GALNT13: variants seen among roughly 807,000 people sequenced by gnomAD.
The protein encoded by GALNT13 is UDP-GalNAc:polypeptide N-acetylgalactosaminyltransferase 13.
In GALNT13, 28 loss-of-function variants were observed where a neutral mutation model predicts 64.2. The ratio of observed to expected loss-of-function variants is 0.44; its 90% CI spans 0.32 to 0.60. GALNT13 has a LOEUF of 0.60. Ranked by LOEUF, GALNT13 falls within the 20% of genes least tolerant of loss-of-function variation. The pLI is 0.05. For missense variants in GALNT13, 577 were observed against 669.8 expected (o/e 0.86, Z 1.53); for synonymous variants, 214 against 224.6 (o/e 0.95, Z 0.42).
intron 3 of GALNT13, among the ~76,000 whole-genome samples, chr2:154,028,238 A>G (rs909973648): frequency 3.9e-5 from 6 of 152,176 alleles, no homozygotes; most frequent in African/African-American, 9.6e-5. Flanking sequence ...GCATAAGCTC[A>G]TAGTACATTA....
chr2:154,351,088 C>T (rs1273860929), intron 9 of GALNT13, among the ~76,000 whole-genome samples: 1 of 152,048 alleles, frequency 6.6e-6, no homozygotes, highest in Non-Finnish European at 1.5e-5. Context: ...TGAAGGTTCA[C>T]GTGTGCCATG....
intron 3 of GALNT13, among the ~76,000 whole-genome samples, chr2:154,024,337 C>A: frequency 6.6e-6 from 1 of 152,176 alleles, no homozygotes; most frequent in Non-Finnish European, 1.5e-5. Flanking sequence ...GTACACCAAT[C>A]AGACATAGAT....
chr2:153,924,221 C>T (rs1401378868), intron 2 of GALNT13, among the ~76,000 whole-genome samples: 1 of 150,886 alleles, frequency 6.6e-6, no homozygotes, highest in Non-Finnish European at 1.5e-5. Flanking sequence ...CCACCCCCAC[C>T]CTCAGATAGT....
the GALNT13 span, among the ~76,000 whole-genome samples, chr2:153,359,277 C>T: frequency 6.6e-6 from 1 of 152,034 alleles, no homozygotes; most frequent in African/African-American, 2.4e-5. Context: ...TGCTCTCCAG[C>T]GTTATTTTAT....
In GALNT13 at chr2:154,207,252, G is replaced by C. The variant is rs115179998; in HGVS notation, c.312-34778G>C. 2.4e-3 allele frequency among the ~76,000 whole-genome samples: 359 copies of C among 152,176 alleles called. 4 individuals carry two copies. The highest frequency in any genetic ancestry group is 8.3e-3 in the African/African-American group (346 of 41,526). ...ATGCCTCCCCTACCTCCTGCTACAT[G>C]TTCTAACACCAATCTTGTCTTCCTC... On this transcript the variant is annotated intron_variant, in intron 4 of 12. Coordinates refer to ENST00000392825, the MANE Select transcript of GALNT13 (RefSeq NM_052917.4).
chr2:153,902,969 C>T (rs1688331000), intron 2 of GALNT13, among the ~76,000 whole-genome samples: 1 of 151,996 alleles, frequency 6.6e-6, no homozygotes, highest in Non-Finnish European at 1.5e-5. Flanking sequence ...GATTACTGAG[C>T]TGGAAAATGA....
chr2:153,724,428 T>G, the GALNT13 span, among the ~76,000 whole-genome samples: 1 of 116,750 alleles, frequency 8.6e-6, no homozygotes, highest in Non-Finnish European at 1.6e-5. Context: ...CCAAAAGCAA[T>G]GGCAACCAAA....
the GALNT13 span, among the ~76,000 whole-genome samples, chr2:153,841,140 T>C: frequency 2.6e-5 from 4 of 152,174 alleles, no homozygotes; most frequent in Non-Finnish European, 5.9e-5. Flanking sequence ...TTACTTTCCA[T>C]TACTCTTAAT....
chr2:154,392,167 G>C (rs1031167196), intron 9 of GALNT13, among the ~76,000 whole-genome samples: 3 of 152,216 alleles, frequency 2.0e-5, no homozygotes, highest in African/African-American at 7.2e-5. Context: ...GTGTCCTGCT[G>C]CTTGCTGCAC....
At chr2:153,233,983 C>CA in the GALNT13 span, among the ~76,000 whole-genome samples, 1 of 152,034 alleles carries the variant, frequency 6.6e-6, no homozygotes, top group Admixed American at 6.5e-5. Context: ...AGAATAGTTA[C>CA]AAAAATGTAT....
the GALNT13 span, among the ~76,000 whole-genome samples, chr2:153,737,321 CTT>C: frequency 4.6e-5 from 7 of 151,938 alleles, no homozygotes; most frequent in African/African-American, 1.7e-4. Context: ...TTTCTCTACT[CTT>C]ATTACCTTTG....
At chr2:153,682,680 G>C in the GALNT13 span, among the ~76,000 whole-genome samples, 6 of 151,646 alleles carry the variant, frequency 4.0e-5, no homozygotes, top group Non-Finnish European at 7.4e-5. Flanking sequence ...ATACTTGATG[G>C]CTTAGTTGTT....
At chr2:153,997,330 CTTCA>C (rs1346102720) in intron 3 of GALNT13, among the ~76,000 whole-genome samples, 1 of 151,896 alleles carries the variant, frequency 6.6e-6, no homozygotes, top group Non-Finnish European at 1.5e-5. Flanking sequence ...TTTGTGTCTG[CTTCA>C]TTTTTTCATT....
chr2:154,049,867 T>G (rs1699489026), intron 3 of GALNT13, among the ~76,000 whole-genome samples: 1 of 152,104 alleles, frequency 6.6e-6, no homozygotes, highest in Admixed American at 6.5e-5. Flanking sequence ...GTGTGAGAAT[T>G]TTTTAAATTA....
the GALNT13 span, among the ~76,000 whole-genome samples, chr2:153,650,429 C>T: frequency 6.6e-6 from 1 of 152,108 alleles, no homozygotes; most frequent in East Asian, 1.9e-4. Context: ...ATTTGCCAGT[C>T]TGTGTCTTTT....
At chr2:154,430,108 C>G (rs998009513) in intron 11 of GALNT13, among the ~76,000 whole-genome samples, 1 of 152,206 alleles carries the variant, frequency 6.6e-6, no homozygotes, top group African/African-American at 2.4e-5. Context: ...AATATTCATT[C>G]TGCAGACCAT....
the GALNT13 span, among the ~76,000 whole-genome samples, chr2:153,433,051 A>G: frequency 6.6e-6 from 1 of 152,050 alleles, no homozygotes; most frequent in African/African-American, 2.4e-5. Context: ...ACTCTCCTCT[A>G]TATTATCTAG....
At chr2:154,374,572 G>T (rs1288028321) in intron 9 of GALNT13, among the ~76,000 whole-genome samples, 2 of 152,172 alleles carry the variant, frequency 1.3e-5, no homozygotes, top group East Asian at 3.9e-4. Context: ...ATGCAATTCA[G>T]TGGCAAGTAT....
At chr2:154,121,854 GC>G (rs1681962116) in intron 3 of GALNT13, among the ~76,000 whole-genome samples, 1 of 150,994 alleles carries the variant, frequency 6.6e-6, no homozygotes, top group South Asian at 2.1e-4. Context: ...TCTCTTTCTT[GC>G]CTTATTGGTC....
Sources: gnomAD v4.1 joint callset for allele counts (sites outside exome capture counted in the v4.1 genomes callset) on GRCh38, gnomAD v4.1.1 for gene constraint, MANE v1.5 for transcripts, NCBI Gene and HGNC (gene_info 2026-07-23, HGNC 2026-07-21) for gene names.